The following RABIF variants were observed in gnomAD, a reference collection of about 807,000 sequenced individuals.
RABIF encodes RAB interacting factor, also known as guanine nucleotide exchange factor MSS4.
Under a neutral mutation model 12.3 loss-of-function variants are expected in RABIF, and 13 were observed. The observed-to-expected ratio is 1.06, with a 90% CI of 0.69 to 1.68. RABIF has a LOEUF of 1.68. RABIF is among the 40% of genes most tolerant of loss of function. The pLI is 0.00. For synonymous variants in RABIF, 70 were observed against 63.3 expected (o/e 1.11, Z -0.50); for missense variants, 153 against 158.0 (o/e 0.97, Z 0.17).
chr1:202,889,142 CTG>C lies in RABIF; in HGVS notation c.-46_-45del. The C allele has an allele frequency of 1.3e-6, 2 of 1,567,746 alleles. No individual in the cohort carries two copies. The highest frequency in any genetic ancestry group is 1.7e-6 in the Non-Finnish European group (2 of 1,157,596). ...CTCCTCAGCCACGGCTGCGCAGACG[CTG>C]TCTCTGCTGGCTCGTTATTCACTGC... is the stretch of plus-strand genomic sequence containing the variant. On this transcript the variant is annotated 5_prime_UTR_variant, in exon 1 of 2. Transcript: ENST00000367262.
At chr1:202,887,463 A>G (rs551486926) in intron 1 of RABIF, among the ~76,000 whole-genome samples, 3 of 151,506 alleles carry the variant, frequency 2.0e-5, no homozygotes, top group Non-Finnish European at 4.4e-5. Context: ...CCTGTTTTAC[A>G]CAATAGCAAC....
chr1:202,887,021 TA>T (rs1390565709), intron 1 of RABIF, among the ~76,000 whole-genome samples: 2 of 59,022 alleles, frequency 3.4e-5, no homozygotes, highest in Non-Finnish European at 9.0e-5. Context: ...AGGTGTGGGC[TA>T]TGTTTTGTTT....
chr1:202,882,724 C>T (rs1395396104), intron 1 of RABIF, among the ~76,000 whole-genome samples: 1 of 151,854 alleles, frequency 6.6e-6, no homozygotes, highest in African/African-American at 2.4e-5. Context: ...AATTTATTGG[C>T]TTACTTATTT....
chr1:202,879,271 T>C lies in RABIF; in HGVS notation c.*1707A>G, dbSNP rs2102394413. 6.6e-6 allele frequency: 1 copy of C among 152,340 alleles called. No homozygotes were observed. Among genetic ancestry groups the C allele is most frequent in the Middle Eastern group, 3.4e-3 (1 of 296 alleles). The allele number at this position is 152,340 out of a possible 1,614,324, so 9.4% of individuals were successfully genotyped here. On this transcript the variant is annotated 3_prime_UTR_variant, in exon 2 of 2. Transcript: ENST00000367262. ...CTTGGCTTACTGCAGCCACCATCTT[T>C]GGGGCTCAAGTGATCCTCCCACCTG...
At chr1:202,881,256 G>T (rs778213881) in intron 1 of RABIF, 33 bp from the exon 2 acceptor site, 3 of 1,592,942 alleles carry the variant, frequency 1.9e-6, no homozygotes, top group Non-Finnish European at 2.6e-6. Flanking sequence ...GAACGCAGAA[G>T]TTGAACTGGC....
chr1:202,884,484 T>C lies in RABIF; in HGVS notation c.127-3261A>G, dbSNP rs140732206. Among the ~76,000 whole-genome samples the C allele has an allele frequency of 2.6e-3, 390 of 152,216 alleles. 1 individual carries two copies. The East Asian group carries it at 0.039, about 15-fold the overall frequency. The stretch of plus-strand genomic sequence containing the variant: ...GCTTGACGAATATATGCAGTGGAAG[T>C]GACAGGCTGGTTAGAAAATGGCATG... On this transcript the variant is annotated intron_variant, in intron 1 of 1. Coordinates refer to ENST00000367262, the MANE Select transcript of RABIF (RefSeq NM_002871.5).
chr1:202,887,593 G>C (rs1659582721), intron 1 of RABIF, among the ~76,000 whole-genome samples: 1 of 151,302 alleles, frequency 6.6e-6, no homozygotes, highest in African/African-American at 2.4e-5. Context: ...GGCTTCCCAG[G>C]TTCAAGCGAT....
At chr1:202,886,825 C>G (rs1659569774) in intron 1 of RABIF, among the ~76,000 whole-genome samples, 2 of 151,600 alleles carry the variant, frequency 1.3e-5, no homozygotes, top group African/African-American at 2.4e-5. Flanking sequence ...CTTCTGCCTC[C>G]CGGGTTCAAG....
chr1:202,887,343 T>G (rs879733744), intron 1 of RABIF, among the ~76,000 whole-genome samples: 59 of 151,380 alleles, frequency 3.9e-4, no homozygotes, highest in African/African-American at 1.4e-3. Flanking sequence ...TTATGAAAAA[T>G]TTTTTTTTTT....
At chr1:202,882,035 A>G (rs1659498406) in intron 1 of RABIF, among the ~76,000 whole-genome samples, 1 of 152,238 alleles carries the variant, frequency 6.6e-6, no homozygotes, top group African/African-American at 2.4e-5. Flanking sequence ...TTAAATGCAC[A>G]TTAGCTTGGG....
chr1:202,881,251 C>T, intron 1 of RABIF, 28 bp from the exon 2 acceptor site: 2 of 1,597,116 alleles, frequency 1.3e-6, no homozygotes, highest in Non-Finnish European at 1.7e-6. Context: ...ATAAAGAACG[C>T]AGAAGTTGAA....
rs781541009 is a variant in RABIF at position 202,880,937 on chromosome 1, G to A, written c.*41C>T. On this transcript the variant is annotated 3_prime_UTR_variant, in exon 2 of 2. Coordinates refer to ENST00000367262, the MANE Select transcript of RABIF (RefSeq NM_002871.5). Reference sequence around the variant, plus strand: ...TAAAGGCCAGTTCTTGTGGGGAGTAGGTTTATCTTTGGAGATGGAGCTGAG... The same window carrying A: ...TAAAGGCCAGTTCTTGTGGGGAGTAAGTTTATCTTTGGAGATGGAGCTGAG... The A allele has an allele frequency of 6.2e-7, 1 of 1,606,184 alleles. No individual in the cohort carries two copies. Among genetic ancestry groups the A allele is most frequent in the Admixed American group, 1.7e-5 (1 of 59,642 alleles).
In RABIF at chr1:202,878,802, A is replaced by G. The variant is rs1218632255; in HGVS notation, c.*2176T>C. 6.6e-6 allele frequency among the ~76,000 whole-genome samples: 1 copy of G among 152,240 alleles called. No homozygotes were observed. Among genetic ancestry groups the G allele is most frequent in the Non-Finnish European group, 1.5e-5 (1 of 68,038 alleles). On this transcript the variant is annotated 3_prime_UTR_variant, in exon 2 of 2. Transcript: ENST00000367262. ...ATTCACAAGTATGTACTGAGAGCCT[A>G]TTAGGTGTGAGGGAAATGAAGAAAT...
At chr1:202,883,032 GCA>G (rs939514151) in intron 1 of RABIF, among the ~76,000 whole-genome samples, 1 of 152,074 alleles carries the variant, frequency 6.6e-6, no homozygotes, top group African/African-American at 2.4e-5. Context: ...CCTCTGGCAC[GCA>G]CACACACAGT....
chr1:202,888,949 A>G, intron 1 of RABIF, 24 bp downstream of exon 1: 2 of 1,522,644 alleles, frequency 1.3e-6, no homozygotes, highest in Non-Finnish European at 1.8e-6. Context: ...GTGGGTGTAA[A>G]CGGCCTCCAA....
chr1:202,885,964 C>CAA (rs34865622), intron 1 of RABIF, among the ~76,000 whole-genome samples: 32 of 133,052 alleles, frequency 2.4e-4, no homozygotes, highest in Middle Eastern at 3.9e-3. Flanking sequence ...AAACACAACC[C>CAA]AAAAAAAAAA....
chr1:202,888,588 G>A (rs1405989180), intron 1 of RABIF, among the ~76,000 whole-genome samples: 1 of 152,230 alleles, frequency 6.6e-6, no homozygotes, highest in Non-Finnish European at 1.5e-5. Flanking sequence ...GCACCTGCCG[G>A]GTCCTGCAAG....
chr1:202,883,070 G>A (rs1057133570), intron 1 of RABIF, among the ~76,000 whole-genome samples: 4 of 152,180 alleles, frequency 2.6e-5, no homozygotes, highest in Non-Finnish European at 5.9e-5. Context: ...AATATGGATA[G>A]TGTATACACT....
At position 202,881,068 on chromosome 1, in the gene RABIF, G is replaced by A. The variant is rs142742590; in HGVS notation, c.282C>T (p.Cys94=). The part of the protein sequence containing the change: ...KDVGNIKFLV[C]ADCEIGPIGW... ...CAATTGGTCCAATTTCACAGTCTGC[G>A]CAGACCAGAAACTTGATGTTGCCCA... is the stretch of plus-strand genomic sequence containing the variant. The change falls in exon 2 of 2, where the codon TGC becomes TGT. Residue 94 remains cysteine, a synonymous_variant. Transcript: ENST00000367262. 2.7e-5 allele frequency: 43 copies of A among 1,613,968 alleles called. No individual in the cohort carries two copies. The highest frequency in any genetic ancestry group is 1.6e-4 in the Middle Eastern group (1 of 6,082).
Sources: allele counts gnomAD v4.1 joint callset (sites outside exome capture counted in the v4.1 genomes callset), GRCh38; gene constraint gnomAD v4.1.1; transcripts MANE v1.5; gene names NCBI Gene and HGNC (gene_info 2026-07-23, HGNC 2026-07-21).